UBR2: variants seen among roughly 807,000 people sequenced by gnomAD.
The protein encoded by UBR2 is E3 ubiquitin-protein ligase UBR2.
UBR2 carries 92 observed loss-of-function variants against 247.9 expected under a neutral mutation model. That is an observed-to-expected ratio of 0.37 (90% confidence interval 0.31 to 0.44). The LOEUF is 0.44. Ranked by LOEUF, UBR2 falls within the 20% of genes least tolerant of loss-of-function variation. UBR2 has a pLI of 1.00. For missense variants in UBR2, 1,613 were observed against 2,112.6 expected (o/e 0.76, Z 4.64); for synonymous variants, 672 against 693.5 (o/e 0.97, Z 0.49).
At chr6:42,607,355 A>G (rs1793768878) in intron 7 of UBR2, among the ~76,000 whole-genome samples, 1 of 151,814 alleles carries the variant, frequency 6.6e-6, no homozygotes, top group African/African-American at 2.4e-5. Context: ...TCTAGTAGAG[A>G]TGGGGTTTCA....
At chr6:42,673,404 C>T (rs1798552829) in intron 36 of UBR2, among the ~76,000 whole-genome samples, 1 of 152,170 alleles carries the variant, frequency 6.6e-6, no homozygotes, top group South Asian at 2.1e-4. Context: ...TCACTGCAAC[C>T]TCTGCCTCCA....
At chr6:42,625,283 G>A (rs182813350) in intron 11 of UBR2, among the ~76,000 whole-genome samples, 3 of 151,848 alleles carry the variant, frequency 2.0e-5, no homozygotes, top group Admixed American at 6.6e-5. Flanking sequence ...GTTTTTTCTT[G>A]GGACTTTGCT....
chr6:42,684,208 T>C (rs1010929252), intron 43 of UBR2, among the ~76,000 whole-genome samples: 1 of 152,136 alleles, frequency 6.6e-6, no homozygotes, highest in Admixed American at 6.5e-5. Context: ...ACCTACTGAA[T>C]CTAATTTCTC....
chr6:42,579,321 C>T (rs897907929), intron 2 of UBR2, among the ~76,000 whole-genome samples: 12 of 152,114 alleles, frequency 7.9e-5, no homozygotes, highest in Non-Finnish European at 1.5e-5. Context: ...GGGAGAACAG[C>T]ACCAAGAGGA....
intron 2 of UBR2, among the ~76,000 whole-genome samples, chr6:42,577,987 A>G (rs115211511): frequency 0.022 from 3,318 of 152,228 alleles, 109 homozygotes; most frequent in African/African-American, 0.075. Flanking sequence ...TTTGATACAC[A>G]CACATAAGGT....
At chr6:42,629,043 T>G (rs1314682585) in intron 11 of UBR2, among the ~76,000 whole-genome samples, 1 of 151,796 alleles carries the variant, frequency 6.6e-6, no homozygotes, top group Non-Finnish European at 1.5e-5. Context: ...TGAGATAGAG[T>G]TTCGCTCTTG....
Position 42,637,053 on chromosome 6 carries a change from C to T in UBR2, c.1717C>T (p.Leu573=). The T allele has an allele frequency of 6.2e-7, 1 of 1,613,852 alleles. No homozygotes were observed. Among genetic ancestry groups the T allele is most frequent in the African/African-American group, 1.3e-5 (1 of 75,020 alleles). ...IEAYKKCLAV[L]MQCHGGYTDG... is the part of the protein sequence containing the mutation. ...AGCTTACAAGAAATGTCTCGCTGTA[C>T]TGATGCAGTGTCATGGTGGTTATAC... Residue 573 remains leucine, a synonymous_variant, in exon 15 of 47, where the codon CTG becomes TTG. Transcript: ENST00000372901.
intron 4 of UBR2, among the ~76,000 whole-genome samples, chr6:42,603,087 T>C (rs1252573865): frequency 6.6e-6 from 1 of 152,148 alleles, no homozygotes; most frequent in African/African-American, 2.4e-5. Flanking sequence ...TGAGAGAAAG[T>C]AGACAAGAGA....
In UBR2 at chr6:42,665,453, G is replaced by C. The variant is rs144580439; in HGVS notation, c.3743G>C (p.Arg1248Thr). The C allele has an allele frequency of 9.6e-5, 155 of 1,613,220 alleles. No homozygotes were observed. Among genetic ancestry groups the C allele is most frequent in the Admixed American group, 2.7e-4 (16 of 59,934 alleles). Residue 1248 changes from arginine to threonine, a missense_variant, in exon 33 of 47, where the codon AGA becomes ACA. Around this residue, in one of 3 missense-constraint regions of UBR2, gnomAD observed 1,524 missense variants for 1,967.3 expected, o/e 0.77. Transcript: ENST00000372901. ...SDQPNLTQWI[R>T]TISQQIKALQ... ...CAACCAAATCTGACTCAGTGGATTA[G>C]AACAATATCTCAGCAAATAAAAGCA...
intron 2 of UBR2, among the ~76,000 whole-genome samples, chr6:42,579,469 T>C (rs1791736507): frequency 6.6e-6 from 1 of 152,208 alleles, no homozygotes; most frequent in Non-Finnish European, 1.5e-5. Flanking sequence ...GCTATTTCTT[T>C]ATAATGTGAA....
At chr6:42,607,590 C>T (rs1366992247) in intron 7 of UBR2, among the ~76,000 whole-genome samples, 2 of 151,894 alleles carry the variant, frequency 1.3e-5, no homozygotes, top group South Asian at 2.1e-4. Context: ...TCTCCACTCA[C>T]TGCAACCTCT....
chr6:42,660,244 T>G (rs1388185979), intron 30 of UBR2, among the ~76,000 whole-genome samples: 1 of 152,148 alleles, frequency 6.6e-6, no homozygotes, highest in African/African-American at 2.4e-5. Flanking sequence ...GATGGAGAGT[T>G]ACCTATGTAA....
At chr6:42,658,217 T>A in intron 27 of UBR2, 23 bp from the exon 28 acceptor site, 1 of 1,610,902 alleles carries the variant, frequency 6.2e-7, no homozygotes, top group Non-Finnish European at 8.5e-7. Context: ...TCATACAGGA[T>A]ACTGATACTT....
chr6:42,657,727 A>G (rs1797521675), intron 26 of UBR2, among the ~76,000 whole-genome samples: 3 of 152,246 alleles, frequency 2.0e-5, no homozygotes, highest in African/African-American at 7.2e-5. Flanking sequence ...AAAATCTGAG[A>G]CACCACTTAT....
intron 1 of UBR2, among the ~76,000 whole-genome samples, chr6:42,567,954 G>A (rs1790882060): frequency 6.6e-6 from 1 of 152,146 alleles, no homozygotes; most frequent in Non-Finnish European, 1.5e-5. Flanking sequence ...GGCTAAGCAG[G>A]GAGGATCGCT....
chr6:42,669,766 C>T (rs1417842725), intron 34 of UBR2, among the ~76,000 whole-genome samples: 1 of 152,144 alleles, frequency 6.6e-6, no homozygotes, highest in Non-Finnish European at 1.5e-5. Context: ...GAGGATTGTT[C>T]ACTGGAAAAA....
chr6:42,675,954 C>T (rs1798695797), intron 38 of UBR2, 102 bp from the exon 39 acceptor site: 1 of 1,470,342 alleles, frequency 6.8e-7, no homozygotes. Context: ...AAGACTCTGT[C>T]TCAAAAAAAA....
intron 4 of UBR2, among the ~76,000 whole-genome samples, chr6:42,596,918 G>A (rs373958467): frequency 3.1e-4 from 47 of 152,240 alleles, no homozygotes; most frequent in African/African-American, 1.1e-3. Flanking sequence ...GTAGTTGCAC[G>A]TTATAATAAA....
At chr6:42,647,884 A>G (rs1796872153) in intron 21 of UBR2, among the ~76,000 whole-genome samples, 1 of 152,204 alleles carries the variant, frequency 6.6e-6, no homozygotes, top group Admixed American at 6.5e-5. Context: ...ATAAAGTTTT[A>G]TCTATTTTAT....
Sources: allele counts gnomAD v4.1 joint callset (sites outside exome capture counted in the v4.1 genomes callset), GRCh38; gene constraint gnomAD v4.1.1; regional missense constraint gnomAD v4.1.1; transcripts MANE v1.5; gene names NCBI Gene and HGNC (gene_info 2026-07-23, HGNC 2026-07-21).